PHKB: variants seen among roughly 807,000 people sequenced by gnomAD.
PHKB encodes the protein phosphorylase b kinase regulatory subunit beta.
PHKB carries 122 observed loss-of-function variants against 152.1 expected under a neutral mutation model. That is an observed-to-expected ratio of 0.80 (90% confidence interval 0.69 to 0.93). PHKB has a LOEUF of 0.93. Among genes scored for constraint, PHKB ranks in the 40% least tolerant of loss-of-function variants. The pLI, the probability that PHKB is intolerant of heterozygous loss-of-function variation, is 0.00. For missense variants in PHKB, 1,304 were observed against 1,328.4 expected (o/e 0.98, Z 0.29); for synonymous variants, 436 against 464.9 (o/e 0.94, Z 0.80).
chr16:47,696,007 T>C (rs1477974333), intron 28 of PHKB, among the ~76,000 whole-genome samples: 1 of 152,224 alleles, frequency 6.6e-6, no homozygotes, highest in African/African-American at 2.4e-5. Context: ...CATTAGCAGG[T>C]GACTTCTGTG....
Position 47,693,495 on chromosome 16 carries a change from G to A in PHKB, c.2883G>A (p.Lys961=), listed in dbSNP as rs1293757745. Residue 961 remains lysine (K), a synonymous_variant, in exon 28 of 31, where the codon AAG becomes AAA. Transcript: ENST00000323584. ...CCAATGGGATCATTGTTGCTGGGAA[G>A]CATTTGCCTCAGGTAAAGCCCCACC... is the stretch of plus-strand genomic sequence containing the variant. The part of the protein sequence containing the change: ...RTPNGIIVAG[K]HLPQQPTLSD... 1.9e-6 allele frequency: 3 copies of A among 1,613,952 alleles called. No individual in the cohort carries two copies. The highest frequency in any genetic ancestry group is 2.5e-6 in the Non-Finnish European group (3 of 1,179,996).
At chr16:47,679,848 C>T (rs1341535653) in intron 26 of PHKB, among the ~76,000 whole-genome samples, 1 of 152,100 alleles carries the variant, frequency 6.6e-6, no homozygotes, top group Non-Finnish European at 1.5e-5. Flanking sequence ...GTCTTGTGCC[C>T]ATTTTCAAAG....
intron 6 of PHKB, among the ~76,000 whole-genome samples, chr16:47,545,549 G>A (rs1372673290): frequency 6.6e-6 from 1 of 152,088 alleles, no homozygotes; most frequent in Admixed American, 6.5e-5. Flanking sequence ...TTCAACCTTG[G>A]TGAATTTGAC....
chr16:47,489,966 C>T (rs368555604), intron 1 of PHKB, among the ~76,000 whole-genome samples: 3 of 152,094 alleles, frequency 2.0e-5, no homozygotes, highest in Non-Finnish European at 4.4e-5. Context: ...AAACATGCTC[C>T]AAATTTTGTT....
chr16:47,498,704 C>G (rs1970274099), intron 2 of PHKB, among the ~76,000 whole-genome samples: 1 of 152,068 alleles, frequency 6.6e-6, no homozygotes, highest in South Asian at 2.1e-4. Context: ...AGTTCGAGAC[C>G]AGCCTGGGCA....
intron 4 of PHKB, among the ~76,000 whole-genome samples, chr16:47,504,740 A>G (rs1239045958): frequency 6.6e-6 from 1 of 152,250 alleles, no homozygotes; most frequent in African/African-American, 2.4e-5. Context: ...ATTAAGAAAT[A>G]ACTCATGTGA....
chr16:47,532,001 T>A (rs918398867), intron 6 of PHKB, among the ~76,000 whole-genome samples: 2 of 152,222 alleles, frequency 1.3e-5, no homozygotes, highest in African/African-American at 4.8e-5. Context: ...AGAAGACATT[T>A]GTAACACAGG....
chr16:47,561,652 A>C (rs1971477751), intron 7 of PHKB: 1 of 152,186 alleles, frequency 6.6e-6, no homozygotes, highest in Non-Finnish European at 1.5e-5. Context: ...CACTCCAAAA[A>C]GGTATCTCAA....
At chr16:47,686,468 G>A (rs1973966725) in intron 26 of PHKB, among the ~76,000 whole-genome samples, 1 of 152,074 alleles carries the variant, frequency 6.6e-6, no homozygotes, top group African/African-American at 2.4e-5. Context: ...ACATTTTTAT[G>A]ACTCTTTAAC....
At chr16:47,684,622 C>T (rs1366001071) in intron 26 of PHKB, among the ~76,000 whole-genome samples, 1 of 152,074 alleles carries the variant, frequency 6.6e-6, no homozygotes, top group Admixed American at 6.5e-5. Context: ...AAAAAATTAG[C>T]TGGGCGTAGT....
At chr16:47,545,757 A>G (rs1971151006) in intron 6 of PHKB, among the ~76,000 whole-genome samples, 1 of 152,152 alleles carries the variant, frequency 6.6e-6, no homozygotes, top group South Asian at 2.1e-4. Context: ...CTTTTCACAT[A>G]GTCCCATATT....
At chr16:47,536,300 C>T (rs1970951027) in intron 6 of PHKB, among the ~76,000 whole-genome samples, 1 of 152,204 alleles carries the variant, frequency 6.6e-6, no homozygotes, top group African/African-American at 2.4e-5. Flanking sequence ...ATCCGCCCAC[C>T]TCAGCCTCCC....
At chr16:47,628,902 G>C (rs1356111825) in intron 14 of PHKB, among the ~76,000 whole-genome samples, 1 of 151,970 alleles carries the variant, frequency 6.6e-6, no homozygotes, top group African/African-American at 2.4e-5. Flanking sequence ...TGACAAACCT[G>C]AGAAAAACAA....
chr16:47,496,216 A>C (rs1031170653), intron 1 of PHKB, among the ~76,000 whole-genome samples: 20 of 151,738 alleles, frequency 1.3e-4, no homozygotes, highest in Non-Finnish European at 5.9e-5. Context: ...CCAGAGATGG[A>C]TTAATTGTGA....
chr16:47,623,557 A>ATTTTTTTTTTTT (rs35402802), intron 14 of PHKB, among the ~76,000 whole-genome samples: 4 of 86,290 alleles, frequency 4.6e-5, no homozygotes, highest in Non-Finnish European at 7.2e-5. Context: ...GACAGTTTTG[A>ATTTTTTTTTTTT]TTTTTTTTTT....
At chr16:47,535,462 A>G (rs953279793) in intron 6 of PHKB, among the ~76,000 whole-genome samples, 2 of 152,172 alleles carry the variant, frequency 1.3e-5, no homozygotes, top group African/African-American at 4.8e-5. Context: ...ATTACCATAG[A>G]TGTTTTTAGG....
chr16:47,553,754 T>C (rs1353841483), intron 7 of PHKB, among the ~76,000 whole-genome samples: 1 of 152,212 alleles, frequency 6.6e-6, no homozygotes, highest in Non-Finnish European at 1.5e-5. Context: ...ATTGATGCTA[T>C]TCCTTTCTGT....
At chr16:47,693,095 T>G (rs1370766247) in intron 27 of PHKB, among the ~76,000 whole-genome samples, 3 of 152,220 alleles carry the variant, frequency 2.0e-5, no homozygotes, top group Non-Finnish European at 2.9e-5. Context: ...CTCTGTATAC[T>G]TGAAAATCAT....
intron 26 of PHKB, among the ~76,000 whole-genome samples, chr16:47,685,810 C>G (rs527718507): frequency 6.8e-6 from 1 of 147,772 alleles, no homozygotes; most frequent in African/African-American, 2.5e-5. Flanking sequence ...GGTGTGATCT[C>G]GGCTCACTGC....
Sources: gnomAD v4.1 joint callset for allele counts (sites outside exome capture counted in the v4.1 genomes callset) on GRCh38, gnomAD v4.1.1 for gene constraint, MANE v1.5 for transcripts, NCBI Gene and HGNC (gene_info 2026-07-23, HGNC 2026-07-21) for gene names.